The following ALG13 variants were observed in gnomAD, a reference collection of about 807,000 sequenced individuals.
ALG13 encodes UDP-N-acetylglucosamine transferase subunit ALG13.
In ALG13, 11 loss-of-function variants were observed where a neutral mutation model predicts 87.8. The observed-to-expected ratio is 0.13, with a 90% CI of 0.08 to 0.21. ALG13 has a LOEUF of 0.21. Ranked by LOEUF, ALG13 falls within the 10% of genes least tolerant of loss-of-function variation. The pLI, the probability that ALG13 is intolerant of heterozygous loss-of-function variation, is 1.00. For synonymous variants in ALG13, 320 were observed against 306.3 expected, an observed-to-expected ratio of 1.04 and a Z score of -0.47; for missense variants, 756 against 866.1, an observed-to-expected ratio of 0.87 and a Z score of 1.60.
At chrX:111,737,846 A>G (rs903658169) in intron 23 of ALG13, among the ~76,000 whole-genome samples, 1 of 112,210 alleles carries the variant, frequency 8.9e-6, no homozygotes, top group Non-Finnish European at 1.9e-5. Context: ...TTAACCTCTA[A>G]CTCTTCAAAA....
chrX:111,706,057 C>A (rs1658674281), intron 3 of ALG13, among the ~76,000 whole-genome samples: 1 of 110,429 alleles, frequency 9.1e-6, no homozygotes. Flanking sequence ...AAATTATAAT[C>A]CCTTTTTTTT....
chrX:111,698,086 A>G (rs1370159106), intron 3 of ALG13, among the ~76,000 whole-genome samples: 3 of 112,242 alleles, frequency 2.7e-5, no homozygotes, highest in South Asian at 3.7e-4. Context: ...TGTATGTCCT[A>G]TTCCTCCGCA....
At chrX:111,715,836 TTTCA>T (rs2148078480) in intron 8 of ALG13, among the ~76,000 whole-genome samples, 1 of 112,814 alleles carries the variant, frequency 8.9e-6, no homozygotes, top group East Asian at 2.8e-4. Flanking sequence ...CTTTGGCATC[TTTCA>T]TCTTGTGTGT....
chrX:111,697,581 T>C (rs1210699896), intron 3 of ALG13, among the ~76,000 whole-genome samples: 2 of 112,066 alleles, frequency 1.8e-5, no homozygotes, highest in African/African-American at 3.2e-5. Flanking sequence ...CCAATTGGGA[T>C]TTCAAGTGCG....
At chrX:111,755,402 A>G (rs765864952) in intron 25 of ALG13, among the ~76,000 whole-genome samples, 3 of 112,260 alleles carry the variant, frequency 2.7e-5, no homozygotes, top group Non-Finnish European at 5.6e-5. Flanking sequence ...ACCAAAAGCA[A>G]TGGCAACAAA....
At chrX:111,756,085 TA>T (rs748188978) in intron 25 of ALG13, among the ~76,000 whole-genome samples, 1 of 111,809 alleles carries the variant, frequency 8.9e-6, no homozygotes, top group Non-Finnish European at 1.9e-5. Flanking sequence ...TATGCAGCCA[TA>T]AAAAAGAATG....
intron 23 of ALG13, among the ~76,000 whole-genome samples, chrX:111,742,168 A>G (rs970094745): frequency 2.7e-5 from 3 of 111,684 alleles, no homozygotes; most frequent in Non-Finnish European, 5.6e-5. Context: ...GCTGATTTTT[A>G]GTTGCTCTTT....
At chrX:111,683,538 C>T (rs1199533695) in intron 2 of ALG13, among the ~76,000 whole-genome samples, 2 of 108,005 alleles carry the variant, frequency 1.9e-5, no homozygotes, top group African/African-American at 6.8e-5. Context: ...GGGGTTTCAC[C>T]GTGTTGCCCA....
At chrX:111,690,507 C>A in intron 3 of ALG13, 1 of 426,886 alleles carries the variant, frequency 2.3e-6, no homozygotes, top group Non-Finnish European at 2.9e-6. Flanking sequence ...ATAGTATAAC[C>A]AATGAATTTG....
chrX:111,701,693 C>G (rs1937905270), intron 3 of ALG13, among the ~76,000 whole-genome samples: 1 of 111,324 alleles, frequency 9.0e-6, no homozygotes, highest in African/African-American at 3.3e-5. Flanking sequence ...TATTTATGCT[C>G]TGATCTTTGT....
chrX:111,759,818 C>A lies in ALG13; in HGVS notation c.3233C>A (p.Pro1078His). 1 of 1,210,914 alleles carries A rather than the reference C, an allele frequency of 8.3e-7. No homozygotes were observed. The highest frequency in any genetic ancestry group is 1.7e-5 in the African/African-American group (1 of 57,773). ...PVMSDPYGQP[P>H]LPGFDSCLPV... ...ATGTCAGATCCCTATGGGCAGCCACCTTTGCCAGGTTTTGACTCCTGCCTT... is the reference window on the plus strand; with the variant it reads ...ATGTCAGATCCCTATGGGCAGCCACATTTGCCAGGTTTTGACTCCTGCCTT... The change falls in exon 27 of 27, where the codon CCT (proline) becomes CAT (histidine). Residue 1078 changes from proline (P) to histidine (H), a missense_variant. This residue lies in a region of ALG13 where 110 missense variants were observed against 104.9 expected (regional missense o/e 1.05). Transcript: ENST00000394780.
chrX:111,689,345 T>G (rs1935709336), intron 3 of ALG13: 4 of 753,966 alleles, frequency 5.3e-6, no homozygotes, highest in Non-Finnish European at 6.3e-6. Flanking sequence ...TTGAGAAAAT[T>G]GTGACTTTAT....
chrX:111,701,816 C>G (rs1193333803), intron 3 of ALG13, among the ~76,000 whole-genome samples: 1 of 111,148 alleles, frequency 9.0e-6, no homozygotes, highest in Non-Finnish European at 1.9e-5. Flanking sequence ...ATAAATTTCC[C>G]TCTTAGAACT....
intron 23 of ALG13, among the ~76,000 whole-genome samples, chrX:111,739,536 T>C (rs1943567972): frequency 1.8e-5 from 2 of 112,800 alleles, no homozygotes; most frequent in Admixed American, 9.4e-5. Context: ...TCTAAGAGTC[T>C]ATGGCATATA....
intron 19 of ALG13, 48 bp downstream of exon 19, chrX:111,728,353 A>G: frequency 8.4e-7 from 1 of 1,191,405 alleles, no homozygotes; most frequent in Non-Finnish European, 1.1e-6. Flanking sequence ...TTGTGGCATT[A>G]GCACATCAGG....
intron 10 of ALG13, among the ~76,000 whole-genome samples, chrX:111,718,917 C>G (rs1194532928): frequency 8.9e-6 from 1 of 111,802 alleles, no homozygotes; most frequent in Non-Finnish European, 1.9e-5. Flanking sequence ...TTCCTAATTC[C>G]TAGTTCTGCC....
rs960869599 is a variant in ALG13, at chrX:111,724,821, G to A, written c.1602-113G>A. 1.8e-5 allele frequency: 15 copies of A among 821,015 alleles called. No individual in the cohort carries two copies. The African/African-American group carries it at 3.1e-4, about 17-fold the overall frequency. 67.7% of individuals were successfully genotyped at this position (821,015 alleles called of 1,213,427 possible). ...TAAAAAATTAAACAAGGAAACTGGT[G>A]TCAACCAGGTTTTAATAGAATACAC... is the stretch of plus-strand genomic sequence containing the variant. On this transcript the variant is annotated intron_variant, in intron 14 of 26. Coordinates refer to ENST00000394780, the MANE Select transcript of ALG13 (RefSeq NM_001099922.3).
intron 21 of ALG13, among the ~76,000 whole-genome samples, chrX:111,733,499 G>C (rs1037641151): frequency 4.5e-5 from 5 of 111,617 alleles, no homozygotes; most frequent in Non-Finnish European, 7.5e-5. Flanking sequence ...GTATTCCATG[G>C]TATATATGCA....
intron 26 of ALG13, 102 bp downstream of exon 26, chrX:111,757,864 C>G (rs1945410591): frequency 2.5e-6 from 2 of 790,049 alleles, no homozygotes. Context: ...TGTACTACAC[C>G]AGTGATTCTC....
Sources: gnomAD v4.1 joint callset for allele counts (sites outside exome capture counted in the v4.1 genomes callset) on GRCh38, gnomAD v4.1.1 for gene constraint, gnomAD v4.1.1 regional missense constraint, MANE v1.5 for transcripts, NCBI Gene and HGNC (gene_info 2026-07-23, HGNC 2026-07-21) for gene names.